Variants in ATP11C observed in about 807,000 individuals in gnomAD.
The protein encoded by ATP11C is ATPase phospholipid transporting 11C (ATP11C blood group), also known as phospholipid-transporting ATPase IG.
Under a neutral mutation model 97.4 loss-of-function variants are expected in ATP11C, and 36 were observed. The ratio of observed to expected loss-of-function variants is 0.37; its 90% CI spans 0.28 to 0.49. The LOEUF is 0.49. Ranked by LOEUF, ATP11C falls within the 20% of genes least tolerant of loss-of-function variation. The probability of loss-of-function intolerance (pLI) is 0.98; values close to 1 mark genes in which losing one functional copy is unlikely to be tolerated. For missense variants in ATP11C, 730 were observed against 824.6 expected (o/e 0.89, Z 1.40); for synonymous variants, 275 against 290.9 (o/e 0.95, Z 0.56).
chrX:139,772,122 T>G (rs1009784514), intron 19 of ATP11C, among the ~76,000 whole-genome samples: 1 of 112,181 alleles, frequency 8.9e-6, no homozygotes, highest in African/African-American at 3.2e-5. Context: ...TGGTGCCCTG[T>G]GCAGCTGCTC....
chrX:139,931,631 G>C (rs1410622420), intron 1 of ATP11C, among the ~76,000 whole-genome samples: 2 of 111,940 alleles, frequency 1.8e-5, no homozygotes, highest in African/African-American at 6.5e-5. Context: ...GCTCGTGGCA[G>C]AGGAAACAAA....
At chrX:139,803,632 A>G (rs868466898) in intron 6 of ATP11C, among the ~76,000 whole-genome samples, 12 of 107,102 alleles carry the variant, frequency 1.1e-4, no homozygotes, top group African/African-American at 3.7e-4. Flanking sequence ...TGTACATAAA[A>G]TGTTGCTTTA....
intron 28 of ATP11C, among the ~76,000 whole-genome samples, chrX:139,733,350 C>T (rs1168250941): frequency 8.9e-6 from 1 of 111,827 alleles, no homozygotes; most frequent in Non-Finnish European, 1.9e-5. Flanking sequence ...GATGAGTGGT[C>T]AACAATGTGG....
intron 28 of ATP11C, among the ~76,000 whole-genome samples, chrX:139,733,499 A>G (rs2081387222): frequency 1.8e-5 from 2 of 112,548 alleles, no homozygotes; most frequent in Non-Finnish European, 3.8e-5. Context: ...TCAAAGGTAA[A>G]TAATTTATTC....
intron 1 of ATP11C, among the ~76,000 whole-genome samples, chrX:139,891,018 T>C (rs930814206): frequency 9.0e-6 from 1 of 110,511 alleles, no homozygotes; most frequent in African/African-American, 3.3e-5. Flanking sequence ...GAAAATAGCA[T>C]GTAATAAAAC....
intron 1 of ATP11C, among the ~76,000 whole-genome samples, chrX:139,915,534 G>A (rs2085142183): frequency 9.1e-6 from 1 of 110,362 alleles, no homozygotes; most frequent in Admixed American, 9.8e-5. Flanking sequence ...GCCAGGCATG[G>A]TGGTGCACGT....
chrX:139,801,368 G>A (rs2082923214), intron 7 of ATP11C, among the ~76,000 whole-genome samples: 1 of 111,829 alleles, frequency 8.9e-6, no homozygotes, highest in Non-Finnish European at 1.9e-5. Context: ...TCATCAAGGT[G>A]GATACGGAAG....
intron 1 of ATP11C, 31 bp downstream of exon 1, chrX:139,931,985 G>A: frequency 1.7e-6 from 2 of 1,153,986 alleles, no homozygotes; most frequent in Non-Finnish European, 2.3e-6. Context: ...AAGCAAACCG[G>A]CACGCGCGGA....
In ATP11C at chrX:139,799,941, C is replaced by G. The variant is rs187594319; in HGVS notation, c.710+119G>C. 8 of 627,220 alleles carry G rather than the reference C, an allele frequency of 1.3e-5. No individual in the cohort carries two copies. In the East Asian group the frequency reaches 2.9e-4, roughly 23 times the overall value. 51.7% of individuals were successfully genotyped at this position (627,220 alleles called of 1,213,427 possible). ...TGCTGGGATTACAGGCGTGAGCTAC[C>G]GCACCCGGCCTATATTCCTTTCTAT... On this transcript the variant is annotated intron_variant, in intron 8 of 29. Transcript: ENST00000682941.
At chrX:139,735,408 T>C (rs1016463505) in intron 28 of ATP11C, among the ~76,000 whole-genome samples, 1 of 111,703 alleles carries the variant, frequency 9.0e-6, no homozygotes, top group African/African-American at 3.2e-5. Flanking sequence ...AAGTCAGGGA[T>C]TCTTCTACTC....
intron 1 of ATP11C, among the ~76,000 whole-genome samples, chrX:139,913,145 A>T (rs1159463514): frequency 9.0e-6 from 1 of 111,638 alleles, no homozygotes; most frequent in Non-Finnish European, 1.9e-5. Flanking sequence ...ACATTCTGCA[A>T]CTAATTAATT....
At chrX:139,881,283 T>C (rs2084557299) in intron 1 of ATP11C, among the ~76,000 whole-genome samples, 1 of 111,498 alleles carries the variant, frequency 9.0e-6, no homozygotes, top group East Asian at 2.8e-4. Flanking sequence ...GAAGACTGCA[T>C]AGAGCAGACT....
intron 19 of ATP11C, among the ~76,000 whole-genome samples, 184 bp from the exon 20 acceptor site, chrX:139,768,618 T>C (rs1296703957): frequency 9.0e-6 from 1 of 110,835 alleles, no homozygotes; most frequent in Non-Finnish European, 1.9e-5. Context: ...TTTGCAATCG[T>C]ATCTTTGAGA....
At chrX:139,807,954 A>T (rs1053537127) in intron 5 of ATP11C, among the ~76,000 whole-genome samples, 9 of 70,037 alleles carry the variant, frequency 1.3e-4, no homozygotes, top group African/African-American at 3.8e-4. Flanking sequence ...CCTGTCTCTT[A>T]AAAAAAAAAA....
chrX:139,822,511 T>A (rs2083434646), intron 2 of ATP11C, among the ~76,000 whole-genome samples: 1 of 111,540 alleles, frequency 9.0e-6, no homozygotes, highest in Non-Finnish European at 1.9e-5. Context: ...CCTCCCAGGT[T>A]CAAGCGATTC....
Position 139,860,104 on chromosome X carries a change from CAAAAAAAAAAA to C in ATP11C, c.28-33292_28-33282del. Among the ~76,000 whole-genome samples, 2 of 20,393 alleles carry C rather than the reference CAAAAAAAAAAA, an allele frequency of 9.8e-5. 1 individual carries two copies. Among genetic ancestry groups the C allele is most frequent in the South Asian group, 4.2e-3 (2 of 476 alleles). 17.7% of individuals were successfully genotyped at this position (20,393 alleles called of 115,157 possible). A position where few individuals can be genotyped will look rare whatever the true frequency, so the allele number is the denominator to read the frequency against. On this transcript the variant is annotated intron_variant, in intron 1 of 29. Coordinates refer to ENST00000682941, the MANE Select transcript of ATP11C (RefSeq NM_001353812.2). ...TGGGCGACAGAGCGAGACTCCGTCT[CAAAAAAAAAAA>C]AAAAAAAAAAAGAAAAGAAAGTGCT... is the stretch of plus-strand genomic sequence containing the variant.
chrX:139,823,796 C>T (rs758657698), intron 2 of ATP11C, among the ~76,000 whole-genome samples: 9 of 111,405 alleles, frequency 8.1e-5, no homozygotes, highest in Admixed American at 4.8e-4. Context: ...AGCAAATGCC[C>T]GAAAACCAAA....
intron 1 of ATP11C, among the ~76,000 whole-genome samples, chrX:139,896,822 T>C (rs2082107079): frequency 9.1e-6 from 1 of 110,205 alleles, no homozygotes; most frequent in African/African-American, 3.3e-5. Flanking sequence ...TTGGCCAGGC[T>C]ATTCTCGAAC....
intron 20 of ATP11C, among the ~76,000 whole-genome samples, chrX:139,764,623 T>C (rs991675174): frequency 8.9e-6 from 1 of 112,972 alleles, no homozygotes; most frequent in African/African-American, 3.2e-5. Flanking sequence ...TTCTGACCAG[T>C]TAACATAAAT....
Sources: gnomAD v4.1 joint callset for allele counts (sites outside exome capture counted in the v4.1 genomes callset) on GRCh38, gnomAD v4.1.1 for gene constraint, MANE v1.5 for transcripts, NCBI Gene and HGNC (gene_info 2026-07-23, HGNC 2026-07-21) for gene names.